Variants in TRIM33 observed in about 807,000 individuals in gnomAD.
The protein encoded by TRIM33 is tripartite motif containing 33.
Under a neutral mutation model 125.4 loss-of-function variants are expected in TRIM33, and 20 were observed. The ratio of observed to expected loss-of-function variants is 0.16; its 90% CI spans 0.11 to 0.23. The LOEUF (loss-of-function observed/expected upper bound fraction) is 0.23, where lower values mean the gene tolerates loss of function less well. Ranked by LOEUF, TRIM33 falls within the 10% of genes least tolerant of loss-of-function variation. The probability of loss-of-function intolerance (pLI) is 1.00; values close to 1 mark genes in which losing one functional copy is unlikely to be tolerated. For missense variants in TRIM33, 920 were observed against 1,411.4 expected, an observed-to-expected ratio of 0.65 and a Z score of 5.58; for synonymous variants, 564 against 513.9, an observed-to-expected ratio of 1.10 and a Z score of -1.32.
At chr1:114,398,444 A>C (rs539962051) in intron 18 of TRIM33, among the ~76,000 whole-genome samples, 13 of 152,304 alleles carry the variant, frequency 8.5e-5, no homozygotes, top group African/African-American at 2.9e-4. Flanking sequence ...ATGAAAGCAT[A>C]TTTATTTGAA....
chr1:114,454,001 A>G (rs1649483761), intron 4 of TRIM33, among the ~76,000 whole-genome samples: 1 of 152,204 alleles, frequency 6.6e-6, no homozygotes, highest in Non-Finnish European at 1.5e-5. Context: ...TCACTGTAAT[A>G]AACATAACTG....
intron 11 of TRIM33, among the ~76,000 whole-genome samples, chr1:114,414,027 G>GCGCGCA (rs1353374378): frequency 7.7e-6 from 1 of 130,588 alleles, no homozygotes; most frequent in Non-Finnish European, 1.6e-5. Flanking sequence ...TAAATCACAG[G>GCGCGCA]CACACACACA....
chr1:114,451,167 C>G (rs1170415886), intron 4 of TRIM33, among the ~76,000 whole-genome samples: 1 of 152,014 alleles, frequency 6.6e-6, no homozygotes, highest in Non-Finnish European at 1.5e-5. Context: ...ACCTAATATC[C>G]CCAAGTCCAG....
chr1:114,466,738 C>T (rs1650324750), intron 1 of TRIM33, among the ~76,000 whole-genome samples: 1 of 152,164 alleles, frequency 6.6e-6, no homozygotes, highest in Admixed American at 6.5e-5. Flanking sequence ...GCACCATGCA[C>T]CTTTTCTCTT....
chr1:114,506,381 C>T (rs1157659489), intron 1 of TRIM33, among the ~76,000 whole-genome samples: 1 of 120,288 alleles, frequency 8.3e-6, no homozygotes, highest in African/African-American at 3.6e-5. Context: ...AAAAAACTGT[C>T]TCAAAAAAAA....
chr1:114,471,836 T>C (rs1371464771), intron 1 of TRIM33, among the ~76,000 whole-genome samples: 2 of 152,176 alleles, frequency 1.3e-5, no homozygotes, highest in Non-Finnish European at 2.9e-5. Context: ...ATGGAAAACA[T>C]GTTATTTTAT....
chr1:114,490,392 T>C (rs1651991783), intron 1 of TRIM33, among the ~76,000 whole-genome samples: 1 of 152,142 alleles, frequency 6.6e-6, no homozygotes. Context: ...ATAACAATTG[T>C]TGGCAACATT....
chr1:114,505,406 G>A (rs1040688532), intron 1 of TRIM33, among the ~76,000 whole-genome samples: 2 of 152,108 alleles, frequency 1.3e-5, no homozygotes, highest in South Asian at 2.1e-4. Context: ...AAGAAATTCC[G>A]AGGGCTCAAA....
rs1408465956 is a variant in TRIM33, at chr1:114,425,637, T to C, written c.1507A>G (p.Ser503Gly). ...AAGTTAATCTGTCCAGGGGTTTTACTAATGTGGTTTGTCCCTGGAGGAACT... is the reference window on the plus strand; with the variant it reads ...AAGTTAATCTGTCCAGGGGTTTTACCAATGTGGTTTGTCCCTGGAGGAACT... ...GQVPPGTNHI[S>G]KTPGQINLAQ... The change falls in exon 9 of 20, where the codon AGT (serine) becomes GGT (glycine). Residue 503 changes from serine (S) to glycine (G), a missense_variant. By Grantham distance (56) the Ser-to-Gly change is moderately conservative. Coordinates refer to ENST00000358465, the MANE Select transcript of TRIM33 (RefSeq NM_015906.4). 6.2e-7 allele frequency: 1 copy of C among 1,614,214 alleles called. No individual in the cohort carries two copies. Among genetic ancestry groups the C allele is most frequent in the East Asian group, 2.2e-5 (1 of 44,884 alleles).
chr1:114,403,382 T>G (rs1468184088), intron 15 of TRIM33, among the ~76,000 whole-genome samples: 1 of 151,902 alleles, frequency 6.6e-6, no homozygotes, highest in African/African-American at 2.4e-5. Context: ...ATATACCTCC[T>G]TTTTTTTGGA....
At chr1:114,407,545 G>A (rs1652326169) in intron 13 of TRIM33, among the ~76,000 whole-genome samples, 2 of 152,112 alleles carry the variant, frequency 1.3e-5, no homozygotes, top group Non-Finnish European at 1.5e-5. Flanking sequence ...AGCATGAAAT[G>A]TACAAAATGA....
intron 5 of TRIM33, among the ~76,000 whole-genome samples, chr1:114,432,854 T>C (rs1244430608): frequency 6.6e-6 from 1 of 152,244 alleles, no homozygotes; most frequent in Non-Finnish European, 1.5e-5. Flanking sequence ...TATTTAATAC[T>C]TTTGAGCATC....
chr1:114,484,912 C>T (rs982300483), intron 1 of TRIM33, among the ~76,000 whole-genome samples: 4 of 151,732 alleles, frequency 2.6e-5, no homozygotes, highest in African/African-American at 9.7e-5. Flanking sequence ...AATAGCCAGG[C>T]GTGGTGGCAC....
intron 1 of TRIM33, among the ~76,000 whole-genome samples, chr1:114,479,593 A>T (rs74113196): frequency 0.043 from 6,598 of 152,326 alleles, 154 homozygotes; most frequent in South Asian, 0.063. Context: ...CACACTTAGC[A>T]TATTTGTACC....
chr1:114,397,589 G>GTTTTTTTTTTTTTTTTTTTGTTTT lies in TRIM33; in HGVS notation c.*58_*59insAAAACAAAAAAAAAAAAAAAAAAA, dbSNP rs66490349. On this transcript the variant is annotated 3_prime_UTR_variant, in exon 20 of 20. Coordinates refer to ENST00000358465, the MANE Select transcript of TRIM33 (RefSeq NM_015906.4). ...CTTAAAAGTTTTCTGGGTTTTTTGTGTTTTTTTTTTTTTTTTCGTTTTTTT... is the reference window on the plus strand; with the variant it reads ...CTTAAAAGTTTTCTGGGTTTTTTGTGTTTTTTTTTTTTTTTTTTTGTTTTTTTTTTTTTTTTTTTTCGTTTTTTT... 6.2e-6 allele frequency: 4 copies of GTTTTTTTTTTTTTTTTTTTGTTTT among 640,646 alleles called. No homozygotes were observed. The highest frequency in any genetic ancestry group is 2.7e-5 in the African/African-American group (1 of 36,466). 39.7% of individuals were successfully genotyped at this position (640,646 alleles called of 1,614,324 possible). A position where few individuals can be genotyped will look rare whatever the true frequency, so the allele number is the denominator to read the frequency against.
intron 18 of TRIM33, 31 bp downstream of exon 18, chr1:114,399,426 T>C: frequency 6.3e-7 from 1 of 1,582,514 alleles, no homozygotes; most frequent in East Asian, 2.3e-5. Context: ...AACTAACAAA[T>C]CAAGACTCTA....
chr1:114,446,954 T>C (rs1649017172), intron 4 of TRIM33, among the ~76,000 whole-genome samples: 2 of 152,106 alleles, frequency 1.3e-5, no homozygotes, highest in South Asian at 2.1e-4. Context: ...GGCAGAAGGA[T>C]TGCTTAAACC....
Position 114,510,978 on chromosome 1 carries a change from C to T in TRIM33, c.99G>A (p.Glu33=). ...GCACCGCGGTGAGAGGCGGCTCCGC[C>T]TCCTGCGCGGCGGGCCCGGCGGCCC... The part of the protein sequence containing the change: ...TAGAAGPAAQ[E]AEPPLTAVLV... Residue 33 remains glutamate, a synonymous_variant, in exon 1 of 20, where the codon GAG becomes GAA. Transcript: ENST00000358465. 7.4e-7 allele frequency: 1 copy of T among 1,357,010 alleles called. No homozygotes were observed. The highest frequency in any genetic ancestry group is 9.5e-7 in the Non-Finnish European group (1 of 1,055,474). The allele number at this position is 1,357,010 out of a possible 1,614,324, so 84.1% of individuals were successfully genotyped here.
intron 1 of TRIM33, among the ~76,000 whole-genome samples, chr1:114,492,977 AACC>A (rs890032800): frequency 1.3e-5 from 2 of 152,200 alleles, no homozygotes; most frequent in African/African-American, 4.8e-5. Flanking sequence ...CTTTCTGAGG[AACC>A]ACCAAACTGT....
Sources: allele counts gnomAD v4.1 joint callset (sites outside exome capture counted in the v4.1 genomes callset), GRCh38; gene constraint gnomAD v4.1.1; transcripts MANE v1.5; gene names NCBI Gene and HGNC (gene_info 2026-07-23, HGNC 2026-07-21).